FIP1L1: variants seen among roughly 807,000 people sequenced by gnomAD.
FIP1L1 encodes the protein factor interacting with PAPOLA and CPSF1.
A neutral mutation model predicts 84.6 loss-of-function variants in FIP1L1; 21 were observed. The observed-to-expected ratio is 0.25, with a 90% CI of 0.18 to 0.36. FIP1L1 has a LOEUF of 0.36. FIP1L1 is among the 10% of genes least tolerant of loss of function. The pLI is 1.00. For missense variants in FIP1L1, 526 were observed against 751.1 expected (o/e 0.70, Z 3.50); for synonymous variants, 263 against 242.3 (o/e 1.09, Z -0.80).
intron 10 of FIP1L1, among the ~76,000 whole-genome samples, chr4:53,413,330 A>G (rs1758013308): frequency 6.6e-6 from 1 of 152,108 alleles, no homozygotes; most frequent in Non-Finnish European, 1.5e-5. Flanking sequence ...TGTGCTCCTT[A>G]TACTAGGGCA....
At chr4:53,446,653 A>C (rs1193473342) in intron 15 of FIP1L1, among the ~76,000 whole-genome samples, 2 of 152,116 alleles carry the variant, frequency 1.3e-5, no homozygotes, top group Admixed American at 1.3e-4. Flanking sequence ...ATGACTTATT[A>C]AAGTTTGATT....
intron 11 of FIP1L1, among the ~76,000 whole-genome samples, chr4:53,415,188 G>A (rs1758953839): frequency 6.6e-6 from 1 of 152,122 alleles, no homozygotes; most frequent in African/African-American, 2.4e-5. Flanking sequence ...CGTAGTAGCT[G>A]CCCTGGAATA....
In FIP1L1 at chr4:53,386,766, A is replaced by C. The variant is rs1461130424; in HGVS notation, c.332+2890A>C. ...TGGAAGGAGTTAGGATGCTTTTGCT[A>C]TGTCTTTGTAGACCTTGCAAGCTTG... On this transcript the variant is annotated intron_variant, in intron 5 of 17. Coordinates refer to ENST00000337488, the MANE Select transcript of FIP1L1 (RefSeq NM_030917.4). Among the ~76,000 whole-genome samples, 5 of 152,182 alleles carry C rather than the reference A, an allele frequency of 3.3e-5. No homozygotes were observed. In the East Asian group the frequency reaches 9.6e-4, roughly 29 times the overall value.
chr4:53,393,015 T>G (rs986220787), intron 9 of FIP1L1, among the ~76,000 whole-genome samples: 3 of 152,204 alleles, frequency 2.0e-5, no homozygotes, highest in African/African-American at 7.2e-5. Context: ...ATTTTTTCTT[T>G]ATGTATATTG....
chr4:53,385,946 T>C (rs1418267115), intron 5 of FIP1L1, among the ~76,000 whole-genome samples: 2 of 152,106 alleles, frequency 1.3e-5, no homozygotes, highest in African/African-American at 2.4e-5. Context: ...CATTTACTTA[T>C]GCACAGCGTT....
chr4:53,403,888 G>A (rs1417823056), intron 10 of FIP1L1, among the ~76,000 whole-genome samples: 5 of 152,126 alleles, frequency 3.3e-5, no homozygotes, highest in Non-Finnish European at 7.4e-5. Flanking sequence ...TAGACCAGCA[G>A]CAGACCACCA....
At position 53,410,398 on chromosome 4, in the gene FIP1L1, C is replaced by T. The variant is rs560336134; in HGVS notation, c.816-4217C>T. Among the ~76,000 whole-genome samples the T allele has an allele frequency of 3.3e-5, 5 of 152,270 alleles. No individual in the cohort carries two copies. The South Asian group carries it at 8.3e-4, about 25-fold the overall frequency. On this transcript the variant is annotated intron_variant, in intron 10 of 17. Coordinates refer to ENST00000337488, the MANE Select transcript of FIP1L1 (RefSeq NM_030917.4). ...ACTTCGATGATTGCTCTTAGTTGGT[C>T]ATTGTCAACTTCCAATGACCAGCCA...
At chr4:53,391,890 T>G (rs573559243) in intron 9 of FIP1L1, among the ~76,000 whole-genome samples, 5 of 152,334 alleles carry the variant, frequency 3.3e-5, no homozygotes, top group Admixed American at 2.0e-4. Flanking sequence ...TGGCATACTG[T>G]TTATCTCTAT....
At chr4:53,408,809 C>T (rs1578477837) in intron 10 of FIP1L1, among the ~76,000 whole-genome samples, 1 of 152,314 alleles carries the variant, frequency 6.6e-6, no homozygotes, top group South Asian at 2.1e-4. Context: ...CTTCTGCATT[C>T]TTCACGTAGT....
chr4:53,406,950 CAAA>C lies in FIP1L1; in HGVS notation c.815+7115_815+7117del. Among the ~76,000 whole-genome samples the C allele has an allele frequency of 1.3e-5, 2 of 152,008 alleles. 1 individual carries two copies. Among genetic ancestry groups the C allele is most frequent in the Non-Finnish European group, 2.9e-5 (2 of 68,010 alleles). On this transcript the variant is annotated intron_variant, in intron 10 of 17. Transcript: ENST00000337488. ...AGTCTATCAATTTTGTTGATCTTTT[CAAA>C]AAACCAGCTGCTGGATTCATTGATT...
At chr4:53,406,744 G>A (rs1299718166) in intron 10 of FIP1L1, among the ~76,000 whole-genome samples, 2 of 152,178 alleles carry the variant, frequency 1.3e-5, no homozygotes, top group South Asian at 2.1e-4. Flanking sequence ...TTGGGAGGGT[G>A]TATGTGTCGA....
At chr4:53,425,496 C>T (rs1763962840) in intron 11 of FIP1L1, among the ~76,000 whole-genome samples, 1 of 151,890 alleles carries the variant, frequency 6.6e-6, no homozygotes. Context: ...TGTAATAGAG[C>T]TGTAGTATGT....
chr4:53,425,706 G>A (rs1764061450), intron 11 of FIP1L1, 166 bp from the exon 12 acceptor site: 2 of 499,984 alleles, frequency 4.0e-6, no homozygotes, highest in Non-Finnish European at 7.3e-6. Flanking sequence ...TTATGACAAT[G>A]CAAAGTAGTG....
intron 9 of FIP1L1, among the ~76,000 whole-genome samples, chr4:53,397,510 A>G (rs2149462441): frequency 6.6e-6 from 1 of 152,322 alleles, no homozygotes. Flanking sequence ...CTCATGGCTA[A>G]ATTAGGTAGT....
At chr4:53,433,330 GTC>G (rs752286597) in intron 13 of FIP1L1, among the ~76,000 whole-genome samples, 29 of 152,002 alleles carry the variant, frequency 1.9e-4, no homozygotes, top group Admixed American at 1.6e-3. Context: ...TCTACTTTTT[GTC>G]TCTATGAGTT....
At chr4:53,426,438 C>T (rs1407401500) in intron 12 of FIP1L1, among the ~76,000 whole-genome samples, 3 of 152,040 alleles carry the variant, frequency 2.0e-5, no homozygotes, top group South Asian at 2.1e-4. Flanking sequence ...GATTGTGATC[C>T]GTCACATGTG....
chr4:53,418,259 G>T, intron 11 of FIP1L1, among the ~76,000 whole-genome samples: 1 of 152,024 alleles, frequency 6.6e-6, no homozygotes. Context: ...TCCAGCCTGG[G>T]TAATGGAGCC....
At chr4:53,395,128 T>C (rs1746538806) in intron 9 of FIP1L1, among the ~76,000 whole-genome samples, 1 of 152,212 alleles carries the variant, frequency 6.6e-6, no homozygotes, top group South Asian at 2.1e-4. Context: ...ATAATCTCAT[T>C]ATGTTACTGG....
chr4:53,383,667 A>G lies in FIP1L1; in HGVS notation c.229-106A>G, dbSNP rs537715289. Reference sequence around the variant, plus strand: ...ACAAAGTGAGAGTCTGTCTCAAGACAGAAGAAAGAAAAAAAAAAACAGGGT... The same window carrying G: ...ACAAAGTGAGAGTCTGTCTCAAGACGGAAGAAAGAAAAAAAAAAACAGGGT... On this transcript the variant is annotated intron_variant, in intron 4 of 17. Coordinates refer to ENST00000337488, the MANE Select transcript of FIP1L1 (RefSeq NM_030917.4). 1.6e-4 allele frequency: 184 copies of G among 1,130,872 alleles called. No individual in the cohort carries two copies. The African/African-American group carries it at 2.3e-3, about 14-fold the overall frequency. The allele number at this position is 1,130,872 out of a possible 1,614,324, so 70.1% of individuals were successfully genotyped here. A position where few individuals can be genotyped will look rare whatever the true frequency, so the allele number is the denominator to read the frequency against.
Sources: allele counts gnomAD v4.1 joint callset (sites outside exome capture counted in the v4.1 genomes callset), GRCh38; gene constraint gnomAD v4.1.1; transcripts MANE v1.5; gene names NCBI Gene and HGNC (gene_info 2026-07-23, HGNC 2026-07-21).